Variants in FAS observed in about 807,000 individuals in gnomAD.
The protein encoded by FAS is tumor necrosis factor receptor superfamily member 6.
In FAS, 5 loss-of-function variants were observed where a neutral mutation model predicts 33.2. The observed-to-expected ratio is 0.15, with a 90% CI of 0.08 to 0.32. The LOEUF is 0.32. Ranked by LOEUF, FAS falls within the 10% of genes least tolerant of loss-of-function variation. FAS has a pLI of 1.00. For synonymous variants in FAS, 131 were observed against 130.7 expected (o/e 1.00, Z -0.01); for missense variants, 339 against 386.0 (o/e 0.88, Z 1.02).
chr10:88,968,241 A>G (rs939301487), intron 1 of FAS, among the ~76,000 whole-genome samples: 2 of 152,214 alleles, frequency 1.3e-5, no homozygotes, highest in Non-Finnish European at 2.9e-5. Flanking sequence ...TATTTGACTA[A>G]CCAGACACCT....
intron 7 of FAS, chr10:89,012,368 A>G (rs2133541348): frequency 2.9e-6 from 1 of 340,806 alleles, no homozygotes; most frequent in Non-Finnish European, 5.6e-6. Flanking sequence ...TTATAGAGAC[A>G]GGGTTCACTT....
chr10:88,974,496 G>T (rs1341368623), intron 2 of FAS: 1 of 152,146 alleles, frequency 6.6e-6, no homozygotes, highest in Non-Finnish European at 1.5e-5. Flanking sequence ...AATTCCTCTT[G>T]TAGCCAGTGA....
chr10:88,983,188 T>C (rs1265230367), upstream of FAS, among the ~76,000 whole-genome samples: 1 of 152,216 alleles, frequency 6.6e-6, no homozygotes, highest in Non-Finnish European at 1.5e-5. Context: ...TGCATGGCTA[T>C]GTGAGCTATG....
Position 89,014,189 on chromosome 10 carries a change from T to C in FAS, c.747T>C (p.Val249=). ...CACTAAGTCAAGTTAAAGGCTTTGT[T>C]CGAAAGAATGGTGTCAATGAAGCCA... ...VMTLSQVKGF[V]RKNGVNEAKI... is the part of the protein sequence containing the mutation. Residue 249 remains valine (V), a synonymous_variant, in exon 9 of 9, where the codon GTT becomes GTC. Coordinates refer to ENST00000652046, the MANE Select transcript of FAS (RefSeq NM_000043.6). The C allele has an allele frequency of 6.2e-7, 1 of 1,613,914 alleles. No homozygotes were observed. Among genetic ancestry groups the C allele is most frequent in the Non-Finnish European group, 8.5e-7 (1 of 1,179,936 alleles).
intron 1 of FAS, among the ~76,000 whole-genome samples, chr10:88,966,442 A>T (rs1846319192): frequency 6.6e-6 from 1 of 152,124 alleles, no homozygotes; most frequent in Non-Finnish European, 1.5e-5. Flanking sequence ...GTAATCTATA[A>T]GTGTGTGGGC....
chr10:88,965,561 A>C lies in FAS; in HGVS notation n.95-7621A>C, dbSNP rs569619343. Among the ~76,000 whole-genome samples, 8 of 152,290 alleles carry C rather than the reference A, an allele frequency of 5.3e-5. No homozygotes were observed. In the East Asian group the frequency reaches 1.5e-3, roughly 29 times the overall value. On this transcript the variant is annotated intron_variant and non_coding_transcript_variant, in intron 1 of 3. Coordinates refer to the FAS transcript ENST00000688239. ...TAGTGTACTTGCCTTAGGAGGTCAA[A>C]CACATTAGGTATACCAACATATCGA...
At position 89,010,769 on chromosome 10, in the gene FAS, G is replaced by A; in HGVS notation, c.522G>A (p.Leu174=). The A allele has an allele frequency of 6.2e-7, 1 of 1,613,970 alleles. No homozygotes were observed. The highest frequency in any genetic ancestry group is 1.3e-5 in the African/African-American group (1 of 75,002). ...KCKEEGSRSN[L]GWLCLLLLPI... ...AACCTACAGGATCCAGATCTAACTTGGGGTGGCTTTGTCTTCTTCTTTTGC... is the reference window on the plus strand; with the variant it reads ...AACCTACAGGATCCAGATCTAACTTAGGGTGGCTTTGTCTTCTTCTTTTGC... The change falls in exon 6 of 9, where the codon TTG becomes TTA. Residue 174 remains leucine (L), a synonymous_variant. Coordinates refer to ENST00000652046, the MANE Select transcript of FAS (RefSeq NM_000043.6).
intron 2 of FAS, 143 bp from the exon 3 acceptor site, chr10:89,007,557 C>T: frequency 9.1e-7 from 1 of 1,093,110 alleles, no homozygotes. Context: ...AATCTTCTCC[C>T]CCATTGTATT....
chr10:89,008,946 C>G lies in FAS; in HGVS notation c.392C>G (p.Pro131Arg). The G allele has an allele frequency of 1.2e-6, 2 of 1,613,948 alleles. No homozygotes were observed. The highest frequency in any genetic ancestry group is 8.5e-7 in the Non-Finnish European group (1 of 1,179,876). Reference protein sequence around the residue: ...RTQNTKCRCKPNFFCNSTVCE... With the variant: ...RTQNTKCRCKRNFFCNSTVCE... ...CAGAATACCAAGTGCAGATGTAAAC[C>G]AAACTTTTTTTGTAACTCTACTGTA... The change falls in exon 4 of 9, where the codon CCA becomes CGA. Residue 131 changes from proline to arginine, a missense_variant. Pro to Arg is a moderately radical substitution (Grantham distance 103). Around this residue, in one of 3 missense-constraint regions of FAS, gnomAD observed 276 missense variants for 300.1 expected, o/e 0.92. Transcript: ENST00000652046.
exon 2 of FAS, chr10:88,973,230 G>A: frequency 6.2e-7 from 1 of 1,612,502 alleles, no homozygotes; most frequent in Non-Finnish European, 8.5e-7. Flanking sequence ...TTTGGAGATG[G>A]AGCCCCTGAA....
At chr10:88,978,700 A>G (rs895447246) in intron 2 of FAS, among the ~76,000 whole-genome samples, 2 of 152,178 alleles carry the variant, frequency 1.3e-5, no homozygotes, top group Non-Finnish European at 2.9e-5. Flanking sequence ...TACTTCAGGG[A>G]ACTGAAGATG....
At chr10:88,973,356 A>C in intron 2 of FAS, 1 of 1,483,368 alleles carries the variant, frequency 6.7e-7, no homozygotes, top group Middle Eastern at 1.8e-4. Context: ...AGGTAATCCA[A>C]GAATTGCCAG....
chr10:88,970,064 T>C (rs1283265545), intron 1 of FAS, among the ~76,000 whole-genome samples: 1 of 152,096 alleles, frequency 6.6e-6, no homozygotes, highest in Non-Finnish European at 1.5e-5. Flanking sequence ...TTTAGATGGG[T>C]TTTAGAGATA....
chr10:88,999,164 T>A (rs11591676), intron 1 of FAS, among the ~76,000 whole-genome samples: 53,079 of 129,484 alleles, frequency 0.41, 10,120 homozygotes, highest in South Asian at 0.47. Flanking sequence ...AAAAAATAAA[T>A]AAATAAATAA....
At chr10:89,010,688 A>T (rs1848485841) in intron 5 of FAS, 65 bp from the exon 6 acceptor site, 1 of 1,607,752 alleles carries the variant, frequency 6.2e-7, no homozygotes, top group Non-Finnish European at 8.5e-7. Context: ...ATTACTAGAA[A>T]GTCCTTTATT....
At chr10:88,986,302 T>C (rs1564665279), upstream of FAS, among the ~76,000 whole-genome samples, 1 of 152,150 alleles carries the variant, frequency 6.6e-6, no homozygotes, top group East Asian at 1.9e-4. Flanking sequence ...TCATAGAATA[T>C]CTGTGTTTTC....
chr10:88,965,440 G>A (rs1219340785), intron 1 of FAS, among the ~76,000 whole-genome samples: 1 of 152,148 alleles, frequency 6.6e-6, no homozygotes, highest in Non-Finnish European at 1.5e-5. Context: ...CATAAGATAA[G>A]GGACATTCTC....
intron 6 of FAS, 60 bp downstream of exon 6, chr10:89,010,875 A>G: frequency 6.3e-7 from 1 of 1,588,494 alleles, no homozygotes; most frequent in Non-Finnish European, 8.6e-7. Context: ...GTTCACAAAG[A>G]TTTGCCTCAT....
chr10:89,006,457 G>C (rs973567195), intron 2 of FAS, among the ~76,000 whole-genome samples: 1 of 152,140 alleles, frequency 6.6e-6, no homozygotes, highest in Non-Finnish European at 1.5e-5. Flanking sequence ...AGGAATTCAT[G>C]TTCCTAGGAA....
Sources: gnomAD v4.1 joint callset for allele counts (sites outside exome capture counted in the v4.1 genomes callset) on GRCh38, gnomAD v4.1.1 for gene constraint, gnomAD v4.1.1 regional missense constraint, MANE v1.5 for transcripts, NCBI Gene and HGNC (gene_info 2026-07-23, HGNC 2026-07-21) for gene names.